The following C16orf87 variants were observed in gnomAD, a reference collection of about 807,000 sequenced individuals.
The protein encoded by C16orf87 is HDAC and MIER1 interacting protein 1.
A neutral mutation model predicts 21.0 loss-of-function variants in C16orf87; 13 were observed. That is an observed-to-expected ratio of 0.62 (90% confidence interval 0.40 to 0.98). C16orf87 has a LOEUF of 0.98. Ranked by LOEUF, C16orf87 falls within the 50% of genes least tolerant of loss-of-function variation. C16orf87 has a pLI of 0.00. For missense variants in C16orf87, 113 were observed against 180.4 expected, an observed-to-expected ratio of 0.63 and a Z score of 2.14; for synonymous variants, 49 against 60.2, an observed-to-expected ratio of 0.81 and a Z score of 0.86.
intron 1 of C16orf87, among the ~76,000 whole-genome samples, chr16:46,828,565 C>CTGCAAAGGAGATGT (rs1369047337): frequency 6.6e-6 from 1 of 152,152 alleles, no homozygotes; most frequent in Non-Finnish European, 1.5e-5. Flanking sequence ...CAATAGAAGC[C>CTGCAAAGGAGATGT]TGCAAAGGAG....
rs1418138081 is a variant in C16orf87 at position 46,802,149 on chromosome 16, T to C, written c.*803A>G. On this transcript the variant is annotated 3_prime_UTR_variant, in exon 4 of 4. Coordinates refer to ENST00000285697, the MANE Select transcript of C16orf87 (RefSeq NM_001001436.4). ...ATCCATTCAGATAAAACATTACTGCTTAAAAGTGGCTAAGAAATATTTTGC... is the reference window on the plus strand; with the variant it reads ...ATCCATTCAGATAAAACATTACTGCCTAAAAGTGGCTAAGAAATATTTTGC... The C allele has an allele frequency of 6.6e-6, 1 of 152,022 alleles. No individual in the cohort carries two copies. Among genetic ancestry groups the C allele is most frequent in the Non-Finnish European group, 1.5e-5 (1 of 67,950 alleles). The allele number at this position is 152,022 out of a possible 1,614,324, so 9.4% of individuals were successfully genotyped here. A position where few individuals can be genotyped will look rare whatever the true frequency, so the allele number is the denominator to read the frequency against.
chr16:46,814,575 A>G (rs1968186475), intron 2 of C16orf87, among the ~76,000 whole-genome samples: 1 of 152,226 alleles, frequency 6.6e-6, no homozygotes, highest in African/African-American at 2.4e-5. Context: ...TAAACTCCCA[A>G]TTATACACTG....
intron 2 of C16orf87, among the ~76,000 whole-genome samples, chr16:46,821,958 C>T (rs1244078406): frequency 6.6e-6 from 1 of 152,220 alleles, no homozygotes; most frequent in Admixed American, 6.5e-5. Flanking sequence ...AACTAGCAAT[C>T]CAAGTCAGAG....
intron 2 of C16orf87, among the ~76,000 whole-genome samples, chr16:46,821,929 C>T (rs1366340252): frequency 6.6e-6 from 1 of 152,148 alleles, no homozygotes; most frequent in Admixed American, 6.5e-5. Context: ...AGCTTGTTTT[C>T]CCTCTTATAT....
In C16orf87 at chr16:46,799,426, G is replaced by A. The variant is rs1432118736; in HGVS notation, c.*3526C>T. On this transcript the variant is annotated 3_prime_UTR_variant, in exon 4 of 4. Coordinates refer to ENST00000285697, the MANE Select transcript of C16orf87 (RefSeq NM_001001436.4). ...AAAAAACTTTAATTAACTTAAATAA[G>A]AGATTTGTTAACAACAATATGCCTT... 1 of 152,066 alleles carries A rather than the reference G, an allele frequency of 6.6e-6. No individual in the cohort carries two copies. The highest frequency in any genetic ancestry group is 1.5e-5 in the Non-Finnish European group (1 of 68,002). The allele number at this position is 152,066 out of a possible 1,614,324, so 9.4% of individuals were successfully genotyped here.
chr16:46,811,723 T>C (rs1968091259), intron 2 of C16orf87, among the ~76,000 whole-genome samples: 1 of 152,288 alleles, frequency 6.6e-6, no homozygotes, highest in Middle Eastern at 3.4e-3. Context: ...GTGATGCCAT[T>C]TCTTCAACAT....
intron 1 of C16orf87, among the ~76,000 whole-genome samples, chr16:46,828,232 A>T (rs775737268): frequency 2.0e-5 from 3 of 152,144 alleles, no homozygotes; most frequent in Non-Finnish European, 4.4e-5. Context: ...ACAGCCATTT[A>T]ACTGATTTTT....
At chr16:46,805,955 C>A (rs971676727) in intron 3 of C16orf87, among the ~76,000 whole-genome samples, 1 of 152,168 alleles carries the variant, frequency 6.6e-6, no homozygotes, top group African/African-American at 2.4e-5. Context: ...GTATCCTGGC[C>A]GTCAACAGAC....
Position 46,800,476 on chromosome 16 carries a change from T to C in C16orf87, c.*2476A>G, listed in dbSNP as rs1967738609. On this transcript the variant is annotated 3_prime_UTR_variant, in exon 4 of 4. Transcript: ENST00000285697. ...CCCACAAAAACATTTTGGAATACCA[T>C]GGAGTTGAGGCAGGGAGTAACAACT... The C allele has an allele frequency of 6.6e-6, 1 of 152,226 alleles. No homozygotes were observed. The highest frequency in any genetic ancestry group is 1.5e-5 in the Non-Finnish European group (1 of 68,038). The allele number at this position is 152,226 out of a possible 1,614,324, so 9.4% of individuals were successfully genotyped here.
At chr16:46,816,396 TC>T (rs1968241140) in intron 2 of C16orf87, among the ~76,000 whole-genome samples, 1 of 152,126 alleles carries the variant, frequency 6.6e-6, no homozygotes, top group African/African-American at 2.4e-5. Context: ...TGTTATATTT[TC>T]CCACAATAAA....
intron 2 of C16orf87, among the ~76,000 whole-genome samples, chr16:46,819,887 T>C (rs1213172594): frequency 6.6e-6 from 1 of 151,660 alleles, no homozygotes; most frequent in Non-Finnish European, 1.5e-5. Context: ...GACAGGAGAA[T>C]GGGTTGAATC....
At chr16:46,809,294 A>G (rs1268587638) in intron 3 of C16orf87, among the ~76,000 whole-genome samples, 2 of 152,106 alleles carry the variant, frequency 1.3e-5, no homozygotes, top group African/African-American at 4.8e-5. Context: ...CTCAAAAAAA[A>G]AAAAAAGTAC....
rs1329592377 is a variant in C16orf87, at chr16:46,816,382, ATT to A, written c.164-6599_164-6598del. On this transcript the variant is annotated intron_variant, in intron 2 of 3. Transcript: ENST00000285697. ...CACTTATAAATGGTTAAAATAGAAT[ATT>A]TTGTTATATTTTCCCACAATAAAAG... 3.3e-5 allele frequency among the ~76,000 whole-genome samples: 5 copies of A among 152,230 alleles called. No homozygotes were observed. In the East Asian group the frequency reaches 9.6e-4, roughly 29 times the overall value.
chr16:46,823,017 A>G (rs1959479598), intron 2 of C16orf87, among the ~76,000 whole-genome samples: 1 of 152,214 alleles, frequency 6.6e-6, no homozygotes, highest in African/African-American at 2.4e-5. Context: ...AAATATAAAA[A>G]ATGTTTTCCA....
intron 2 of C16orf87, among the ~76,000 whole-genome samples, chr16:46,819,696 C>T (rs998359867): frequency 2.0e-4 from 31 of 151,904 alleles, no homozygotes; most frequent in African/African-American, 5.8e-4. Context: ...TCAATTCCAC[C>T]GGGCGCAGTG....
intron 1 of C16orf87, among the ~76,000 whole-genome samples, chr16:46,828,754 T>C (rs1471312760): frequency 6.6e-6 from 1 of 152,212 alleles, no homozygotes; most frequent in Non-Finnish European, 1.5e-5. Context: ...TTAGGCAACT[T>C]AGAATCATAG....
intron 2 of C16orf87, among the ~76,000 whole-genome samples, chr16:46,811,618 T>C (rs1178870078): frequency 6.6e-6 from 1 of 151,876 alleles, no homozygotes; most frequent in African/African-American, 2.4e-5. Context: ...TCTCCAGCCC[T>C]TAGATCTAAC....
chr16:46,811,124 G>A (rs1186074988), intron 2 of C16orf87, among the ~76,000 whole-genome samples: 1 of 151,950 alleles, frequency 6.6e-6, no homozygotes. Flanking sequence ...AAGAAGGAAT[G>A]ACAGAATCAG....
chr16:46,813,770 C>T (rs1299331535), intron 2 of C16orf87, among the ~76,000 whole-genome samples: 2 of 152,088 alleles, frequency 1.3e-5, no homozygotes, highest in East Asian at 3.8e-4. Flanking sequence ...GCCTTTTTTT[C>T]TCTTCAGATA....
Sources: gnomAD v4.1 joint callset for allele counts (sites outside exome capture counted in the v4.1 genomes callset) on GRCh38, gnomAD v4.1.1 for gene constraint, MANE v1.5 for transcripts, NCBI Gene and HGNC (gene_info 2026-07-23, HGNC 2026-07-21) for gene names.